The following NR2F1-AS1 variants were observed in gnomAD, a reference collection of about 807,000 sequenced individuals.
NR2F1-AS1 encodes NR2F1 antisense RNA 1.
chr5:93,417,019 G>T (rs1748982018), intron 4 of NR2F1-AS1, among the ~76,000 whole-genome samples: 1 of 152,044 alleles, frequency 6.6e-6, no homozygotes, highest in South Asian at 2.1e-4. Flanking sequence ...TACAGATGGG[G>T]GAAAATACTC....
intron 4 of NR2F1-AS1, among the ~76,000 whole-genome samples, chr5:93,545,384 G>C (rs886160270): frequency 2.6e-5 from 4 of 152,152 alleles, no homozygotes; most frequent in Non-Finnish European, 5.9e-5. Context: ...AAAGTGGCTA[G>C]AAAAATAGAG....
Position 93,409,648 on chromosome 5 carries a change from C to G in NR2F1-AS1, n.639-14106G>C, listed in dbSNP as rs530563728. 4.9e-4 allele frequency: 75 copies of G among 152,306 alleles called. 2 individuals are homozygous for G. Among genetic ancestry groups the G allele is most frequent in the Admixed American group, 3.3e-3 (50 of 15,296 alleles). The allele number at this position is 152,306 out of a possible 1,614,324, so 9.4% of individuals were successfully genotyped here. ...GAGTTTGGGAGTGGGGCGATTCAGC[C>G]TGTTACAGACAAATCATATCACTAA... On this transcript the variant is annotated intron_variant and non_coding_transcript_variant, in intron 4 of 5. Coordinates refer to ENST00000660523, the Ensembl canonical transcript of NR2F1-AS1.
At chr5:93,415,436 C>A (rs1489616148) in intron 4 of NR2F1-AS1, among the ~76,000 whole-genome samples, 1 of 152,146 alleles carries the variant, frequency 6.6e-6, no homozygotes, top group Non-Finnish European at 1.5e-5. Flanking sequence ...ACCTTAACAA[C>A]TCACCATTCA....
intron 2 of NR2F1-AS1, among the ~76,000 whole-genome samples, chr5:93,562,196 A>T (rs541116463): frequency 2.0e-3 from 241 of 119,870 alleles, no homozygotes; most frequent in African/African-American, 0.01. Flanking sequence ...AAAAAAAAAA[A>T]AAAGAAAAGA....
At chr5:93,458,401 C>T (rs1750000624) in intron 4 of NR2F1-AS1, among the ~76,000 whole-genome samples, 1 of 151,886 alleles carries the variant, frequency 6.6e-6, no homozygotes, top group Non-Finnish European at 1.5e-5. Flanking sequence ...TGATTTTCAA[C>T]AAATGTACAA....
At chr5:93,426,984 G>A (rs1306636473) in intron 4 of NR2F1-AS1, among the ~76,000 whole-genome samples, 4 of 152,044 alleles carry the variant, frequency 2.6e-5, no homozygotes, top group African/African-American at 9.7e-5. Context: ...AATTTTTCTG[G>A]GCATCGATAT....
chr5:93,412,454 C>G (rs1748876590), intron 4 of NR2F1-AS1, among the ~76,000 whole-genome samples: 1 of 152,190 alleles, frequency 6.6e-6, no homozygotes, highest in Non-Finnish European at 1.5e-5. Context: ...CAGAGCAGAC[C>G]ATAGAGAAGC....
At chr5:93,435,646 T>C (rs1377855905) in intron 4 of NR2F1-AS1, among the ~76,000 whole-genome samples, 1 of 152,210 alleles carries the variant, frequency 6.6e-6, no homozygotes, top group Non-Finnish European at 1.5e-5. Context: ...CTGCCTGGAA[T>C]GCCCCTCCTG....
intron 4 of NR2F1-AS1, among the ~76,000 whole-genome samples, chr5:93,478,925 G>T (rs1197246722): frequency 6.6e-6 from 1 of 152,170 alleles, no homozygotes; most frequent in Non-Finnish European, 1.5e-5. Flanking sequence ...GAATGAACGT[G>T]GAGGAAAGTG....
chr5:93,517,720 T>G (rs1479433352), intron 4 of NR2F1-AS1, among the ~76,000 whole-genome samples: 1 of 152,116 alleles, frequency 6.6e-6, no homozygotes, highest in Non-Finnish European at 1.5e-5. Context: ...CAGTCATATA[T>G]GCATGCCATA....
intron 4 of NR2F1-AS1, among the ~76,000 whole-genome samples, chr5:93,472,958 T>C (rs1241707089): frequency 6.6e-6 from 1 of 151,956 alleles, no homozygotes; most frequent in East Asian, 1.9e-4. Flanking sequence ...GATTTAAACA[T>C]GACCTGAACA....
upstream of NR2F1-AS1, among the ~76,000 whole-genome samples, chr5:93,581,964 TCTCTCTCTCTC>T (rs1353464089): frequency 9.1e-6 from 1 of 110,476 alleles, no homozygotes. Flanking sequence ...TCTCTGGGTC[TCTCTCTCTCTC>T]CTCTCTCTCT....
chr5:93,547,919 G>A (rs1303181493), intron 4 of NR2F1-AS1, among the ~76,000 whole-genome samples: 2 of 152,144 alleles, frequency 1.3e-5, no homozygotes, highest in African/African-American at 4.8e-5. Context: ...CTTGGACCAT[G>A]TTACAAAAAT....
intron 4 of NR2F1-AS1, among the ~76,000 whole-genome samples, chr5:93,498,141 C>T (rs1005274107): frequency 6.6e-6 from 1 of 151,836 alleles, no homozygotes; most frequent in Admixed American, 6.6e-5. Flanking sequence ...CTGGGCAACA[C>T]AGTGAGACTC....
intron 4 of NR2F1-AS1, among the ~76,000 whole-genome samples, chr5:93,464,189 T>C (rs1460566020): frequency 5.9e-5 from 9 of 152,204 alleles, no homozygotes; most frequent in Non-Finnish European, 1.2e-4. Context: ...GCTGTTCTCA[T>C]GATACTGAAT....
intron 4 of NR2F1-AS1, among the ~76,000 whole-genome samples, chr5:93,529,271 C>A (rs901968153): frequency 3.9e-5 from 6 of 152,070 alleles, no homozygotes; most frequent in Admixed American, 3.9e-4. Flanking sequence ...ATGGGGCTCA[C>A]CAAAATTACT....
chr5:93,427,645 T>C (rs1307847734), intron 4 of NR2F1-AS1, among the ~76,000 whole-genome samples: 1 of 152,192 alleles, frequency 6.6e-6, no homozygotes, highest in Non-Finnish European at 1.5e-5. Flanking sequence ...AGGAAATGTA[T>C]AAATACCACT....
At chr5:93,550,358 A>G (rs1752196001) in intron 4 of NR2F1-AS1, among the ~76,000 whole-genome samples, 1 of 152,212 alleles carries the variant, frequency 6.6e-6, no homozygotes, top group South Asian at 2.1e-4. Context: ...CTACTCAAAA[A>G]GAGACCCTCC....
At chr5:93,506,906 A>G (rs1010099098) in intron 4 of NR2F1-AS1, among the ~76,000 whole-genome samples, 5 of 152,192 alleles carry the variant, frequency 3.3e-5, no homozygotes, top group Admixed American at 2.6e-4. Flanking sequence ...AATATTCAAC[A>G]TAAATTAATG....
Sources: gnomAD v4.1 joint callset for allele counts (sites outside exome capture counted in the v4.1 genomes callset) on GRCh38, gnomAD v4.1.1 for gene constraint, MANE v1.5 for transcripts, NCBI Gene and HGNC (gene_info 2026-07-23, HGNC 2026-07-21) for gene names.